Variants in IL1RAPL2 observed in about 807,000 individuals in gnomAD.
IL1RAPL2 encodes the protein X-linked interleukin-1 receptor accessory protein-like 2.
IL1RAPL2 carries 3 observed loss-of-function variants against 44.1 expected under a neutral mutation model. That is an observed-to-expected ratio of 0.07 (90% CI 0.03 to 0.18). IL1RAPL2 has a LOEUF of 0.18. Ranked by LOEUF, IL1RAPL2 falls within the 10% of genes least tolerant of loss-of-function variation. The pLI is 1.00. For missense variants in IL1RAPL2, 391 were observed against 496.4 expected (o/e 0.79, Z 2.02); for synonymous variants, 181 against 178.8 (o/e 1.01, Z -0.10).
intron 2 of IL1RAPL2, among the ~76,000 whole-genome samples, chrX:104,967,605 C>T (rs1048179739): frequency 9.9e-5 from 11 of 110,830 alleles, no homozygotes; most frequent in Admixed American, 2.9e-4. Context: ...GCTAAAGGTT[C>T]GTTCTCTGAA....
chrX:104,938,053 A>G (rs1267829719), intron 2 of IL1RAPL2, among the ~76,000 whole-genome samples: 3 of 112,500 alleles, frequency 2.7e-5, no homozygotes, highest in African/African-American at 9.7e-5. Context: ...TCTGGATGCA[A>G]ATGGCTTTAA....
At chrX:104,905,709 T>G (rs1472147402) in intron 2 of IL1RAPL2, among the ~76,000 whole-genome samples, 1 of 111,458 alleles carries the variant, frequency 9.0e-6, no homozygotes, top group Non-Finnish European at 1.9e-5. Context: ...TACTGTAGCC[T>G]TGTAGTATAG....
intron 8 of IL1RAPL2, among the ~76,000 whole-genome samples, chrX:105,745,180 A>C (rs1004928695): frequency 9.0e-6 from 1 of 111,709 alleles, no homozygotes; most frequent in Admixed American, 9.5e-5. Context: ...TTCTACTAAT[A>C]TTCTGATCAC....
At position 105,218,490 on chromosome X, in the gene IL1RAPL2, A is replaced by G. The variant is rs191250220; in HGVS notation, c.357-15328A>G. The stretch of plus-strand genomic sequence containing the variant: ...ATCCATTTGGCTCTGGATGGGCCAA[A>G]TATCCACTCCTGCTCCAATCATCTA... On this transcript the variant is annotated intron_variant, in intron 3 of 10. Coordinates refer to ENST00000372582, the MANE Select transcript of IL1RAPL2 (RefSeq NM_017416.2). 6.8e-3 allele frequency among the ~76,000 whole-genome samples: 758 copies of G among 111,355 alleles called. 6 individuals are homozygous for G. The highest frequency in any genetic ancestry group is 0.01 in the Non-Finnish European group (537 of 53,051).
At position 105,472,697 on chromosome X, in the gene IL1RAPL2, A is replaced by G. The variant is rs1268682820; in HGVS notation, c.698-11616A>G. 8.9e-5 allele frequency among the ~76,000 whole-genome samples: 10 copies of G among 111,791 alleles called. No individual in the cohort carries two copies. In the Admixed American group the frequency reaches 9.5e-4, roughly 11 times the overall value. ...TAGATCATCAGCTTATATTTGATTA[A>G]TTAAATTAGTTCTCATCGGTGTTAC... On this transcript the variant is annotated intron_variant, in intron 5 of 10. Transcript: ENST00000372582.
At chrX:105,275,136 G>T (rs769885070) in intron 5 of IL1RAPL2, among the ~76,000 whole-genome samples, 2 of 110,433 alleles carry the variant, frequency 1.8e-5, no homozygotes, top group Non-Finnish European at 3.8e-5. Flanking sequence ...ACTTGAACTC[G>T]GGAGGTGGAG....
At chrX:105,228,624 T>C (rs1449562459) in intron 3 of IL1RAPL2, among the ~76,000 whole-genome samples, 7 of 112,609 alleles carry the variant, frequency 6.2e-5, no homozygotes, top group African/African-American at 1.9e-4. Flanking sequence ...GGTTTATTTA[T>C]AAATTTTCTA....
intron 2 of IL1RAPL2, among the ~76,000 whole-genome samples, chrX:105,070,155 C>A (rs983844087): frequency 1.8e-4 from 20 of 111,625 alleles, no homozygotes; most frequent in Admixed American, 1.6e-3. Flanking sequence ...CTGCCTCTGG[C>A]CCCAGCAGAG....
intron 2 of IL1RAPL2, among the ~76,000 whole-genome samples, chrX:105,076,789 A>C (rs2032312164): frequency 1.8e-5 from 2 of 111,230 alleles, no homozygotes; most frequent in African/African-American, 6.6e-5. Context: ...TCCCTTTACC[A>C]TTATGTAATG....
chrX:104,670,044 G>T (rs1480355768), intron 2 of IL1RAPL2, among the ~76,000 whole-genome samples: 1 of 111,506 alleles, frequency 9.0e-6, no homozygotes, highest in Admixed American at 9.6e-5. Context: ...AGAACTAATA[G>T]GATAGATGTA....
chrX:104,673,653 A>G (rs1396480468), intron 2 of IL1RAPL2, among the ~76,000 whole-genome samples: 1 of 111,151 alleles, frequency 9.0e-6, no homozygotes, highest in Non-Finnish European at 1.9e-5. Context: ...TGGTAGCTTG[A>G]TGGGGATGGT....
At chrX:104,960,624 G>C (rs777626196) in intron 2 of IL1RAPL2, among the ~76,000 whole-genome samples, 1 of 111,417 alleles carries the variant, frequency 9.0e-6, no homozygotes, top group Non-Finnish European at 1.9e-5. Flanking sequence ...AATCACAACA[G>C]TAATGTTAAG....
chrX:104,653,491 A>T (rs763427312), intron 1 of IL1RAPL2, among the ~76,000 whole-genome samples: 1 of 111,378 alleles, frequency 9.0e-6, no homozygotes, highest in East Asian at 2.8e-4. Flanking sequence ...TATATGGTTA[A>T]CTGGGAAAGA....
chrX:105,669,005 A>G (rs772183071), intron 6 of IL1RAPL2, among the ~76,000 whole-genome samples: 1 of 111,558 alleles, frequency 9.0e-6, no homozygotes, highest in Non-Finnish European at 1.9e-5. Flanking sequence ...CAATATGTAT[A>G]GTTTTAACAG....
At chrX:105,163,055 A>G (rs2033340642) in intron 2 of IL1RAPL2, among the ~76,000 whole-genome samples, 1 of 111,874 alleles carries the variant, frequency 8.9e-6, no homozygotes, top group Admixed American at 9.5e-5. Flanking sequence ...AGCTATTGCA[A>G]AACTATGACC....
At chrX:105,610,662 C>T (rs1055095764) in intron 6 of IL1RAPL2, among the ~76,000 whole-genome samples, 5 of 111,654 alleles carry the variant, frequency 4.5e-5, no homozygotes, top group African/African-American at 1.3e-4. Context: ...TCACAGCCAT[C>T]GTAAAATCAT....
At chrX:104,604,598 A>G (rs1928961883) in intron 1 of IL1RAPL2, among the ~76,000 whole-genome samples, 1 of 90,348 alleles carries the variant, frequency 1.1e-5, no homozygotes, top group Non-Finnish European at 2.1e-5. Flanking sequence ...CTCAAAATAA[A>G]GGGATGGAGG....
At chrX:105,539,674 G>A (rs186819462) in intron 6 of IL1RAPL2, among the ~76,000 whole-genome samples, 1 of 111,195 alleles carries the variant, frequency 9.0e-6, no homozygotes, top group East Asian at 2.8e-4. Context: ...ATTGACAAGT[G>A]GTATCTAATT....
At chrX:104,655,687 A>C (rs756797706) in intron 1 of IL1RAPL2, among the ~76,000 whole-genome samples, 1 of 111,887 alleles carries the variant, frequency 8.9e-6, no homozygotes, top group African/African-American at 3.2e-5. Context: ...CTGGCCTCAT[A>C]AAATGAGTTA....
Sources: allele counts gnomAD v4.1 joint callset (sites outside exome capture counted in the v4.1 genomes callset), GRCh38; gene constraint gnomAD v4.1.1; transcripts MANE v1.5; gene names NCBI Gene and HGNC (gene_info 2026-07-23, HGNC 2026-07-21).